Variants in TRMT11 observed in about 807,000 individuals in gnomAD.
TRMT11 encodes the protein tRNA methyltransferase 11, also known as tRNA (guanine(10)-N(2))-methyltransferase TRMT11.
Under a neutral mutation model 62.8 loss-of-function variants are expected in TRMT11, and 53 were observed. The observed-to-expected ratio is 0.84, with a 90% CI of 0.68 to 1.06. The LOEUF is 1.06. Ranked by LOEUF, TRMT11 falls within the 50% of genes least tolerant of loss-of-function variation. The pLI is 0.00. For synonymous variants in TRMT11, 188 were observed against 190.3 expected, an observed-to-expected ratio of 0.99 and a Z score of 0.10; for missense variants, 556 against 553.4, an observed-to-expected ratio of 1.00 and a Z score of -0.05.
chr6:126,223,995 C>G, the TRMT11 span, among the ~76,000 whole-genome samples: 1 of 152,128 alleles, frequency 6.6e-6, no homozygotes, highest in Non-Finnish European at 1.5e-5. Context: ...TCTGTCACAC[C>G]ATTTTGGTTC....
the TRMT11 span, among the ~76,000 whole-genome samples, chr6:126,247,475 A>ATCTG: frequency 2.7e-3 from 400 of 147,614 alleles, 3 homozygotes; most frequent in African/African-American, 6.6e-3. Context: ...CTATCTATCT[A>ATCTG]TCTATCTATC....
chr6:125,992,524 C>T (rs1360391261), intron 1 of TRMT11, among the ~76,000 whole-genome samples: 1 of 152,164 alleles, frequency 6.6e-6, no homozygotes, highest in Non-Finnish European at 1.5e-5. Context: ...GGACAGTTAT[C>T]AGGGTCCTCA....
chr6:126,249,780 GATAA>G, the TRMT11 span, among the ~76,000 whole-genome samples: 5 of 152,016 alleles, frequency 3.3e-5, no homozygotes, highest in Non-Finnish European at 7.4e-5. Context: ...AGTTTTAACT[GATAA>G]ATAAATGAAT....
chr6:126,153,123 A>T (rs1778077878), intron 21 of TRMT11, among the ~76,000 whole-genome samples: 2 of 152,204 alleles, frequency 1.3e-5, no homozygotes, highest in Admixed American at 1.3e-4. Flanking sequence ...GCGGTTGTTC[A>T]ATAATATTAT....
chr6:126,179,702 A>G (rs1360216876), intron 1 of TRMT11, among the ~76,000 whole-genome samples: 2 of 152,206 alleles, frequency 1.3e-5, no homozygotes, highest in African/African-American at 4.8e-5. Context: ...TTTCACATAT[A>G]GCGAAGAATA....
At chr6:126,086,868 T>C (rs866291636) in intron 17 of TRMT11, among the ~76,000 whole-genome samples, 3 of 152,182 alleles carry the variant, frequency 2.0e-5, no homozygotes, top group African/African-American at 2.4e-5. Context: ...GCTTTGACTA[T>C]AGTGGGGGCA....
At chr6:125,995,899 T>C in intron 2 of TRMT11, 68 bp from the exon 3 acceptor site, 1 of 932,100 alleles carries the variant, frequency 1.1e-6, no homozygotes, top group Non-Finnish European at 1.8e-6. Flanking sequence ...CTTATTGACT[T>C]CTTGAATAAA....
At chr6:126,240,108 G>A in the TRMT11 span, among the ~76,000 whole-genome samples, 3 of 152,142 alleles carry the variant, frequency 2.0e-5, no homozygotes, top group East Asian at 1.9e-4. Context: ...TTAGCCATTC[G>A]TCTAATCTTT....
intron 17 of TRMT11, among the ~76,000 whole-genome samples, chr6:126,070,424 T>A (rs1392548388): frequency 2.0e-5 from 3 of 152,218 alleles, no homozygotes; most frequent in Non-Finnish European, 4.4e-5. Flanking sequence ...TGAATAAAAA[T>A]GACTCTCAGA....
chr6:126,003,804 G>A (rs1792917316), intron 7 of TRMT11, among the ~76,000 whole-genome samples: 1 of 151,882 alleles, frequency 6.6e-6, no homozygotes, highest in Non-Finnish European at 1.5e-5. Context: ...TTTCTGTGAT[G>A]TATGCTGCAG....
chr6:125,987,969 C>T (rs377365980), intron 1 of TRMT11, among the ~76,000 whole-genome samples: 1 of 151,896 alleles, frequency 6.6e-6, no homozygotes, highest in Non-Finnish European at 1.5e-5. Context: ...AAACTAGGAG[C>T]GGGGAAGAAA....
intron 17 of TRMT11, among the ~76,000 whole-genome samples, chr6:126,054,716 G>T (rs1439489891): frequency 6.6e-6 from 1 of 152,146 alleles, no homozygotes; most frequent in Non-Finnish European, 1.5e-5. Context: ...TTTAAAATCT[G>T]GTGATATACA....
chr6:126,112,327 C>T (rs1325797776), intron 17 of TRMT11, among the ~76,000 whole-genome samples: 2 of 152,122 alleles, frequency 1.3e-5, no homozygotes, highest in Non-Finnish European at 2.9e-5. Flanking sequence ...GGTTCAGTCC[C>T]TGTAGATCTG....
chr6:126,082,958 A>G (rs1261201229), intron 17 of TRMT11, among the ~76,000 whole-genome samples: 2 of 152,284 alleles, frequency 1.3e-5, no homozygotes, highest in East Asian at 1.9e-4. Flanking sequence ...TGCAAACCAC[A>G]TATCTCATAA....
At chr6:126,026,951 T>C (rs894242980) in intron 12 of TRMT11, among the ~76,000 whole-genome samples, 11 of 151,206 alleles carry the variant, frequency 7.3e-5, no homozygotes, top group South Asian at 2.1e-4. Flanking sequence ...TACAGGCGCC[T>C]GCCACCCCGT....
intron 21 of TRMT11, among the ~76,000 whole-genome samples, chr6:126,147,539 TG>T (rs1777987542): frequency 6.6e-6 from 1 of 152,152 alleles, no homozygotes; most frequent in Non-Finnish European, 1.5e-5. Flanking sequence ...CACAATCTAG[TG>T]TTCATGATGG....
intron 21 of TRMT11, among the ~76,000 whole-genome samples, chr6:126,123,281 G>A (rs1414100972): frequency 2.0e-5 from 3 of 152,094 alleles, no homozygotes; most frequent in Non-Finnish European, 2.9e-5. Flanking sequence ...TGAAGCTCCT[G>A]TAGTAGAGTT....
chr6:126,138,313 A>G lies in TRMT11; in HGVS notation c.*1823+22458A>G, dbSNP rs560953434. 3.3e-5 allele frequency among the ~76,000 whole-genome samples: 5 copies of G among 152,070 alleles called. No homozygotes were observed. The South Asian group carries it at 8.3e-4, about 25-fold the overall frequency. ...TCTGGTAATATAAATAAAAATCTTTAAAATCTTAACAGTCTGAATACTAGA... is the reference window on the plus strand; with the variant it reads ...TCTGGTAATATAAATAAAAATCTTTGAAATCTTAACAGTCTGAATACTAGA... On this transcript the variant is annotated intron_variant and NMD_transcript_variant, in intron 21 of 22. Transcript: ENST00000648977.
rs182001520 is a variant in TRMT11, at chr6:126,184,907, C to T, written n.143+7572C>T. Among the ~76,000 whole-genome samples the T allele has an allele frequency of 4.4e-4, 67 of 152,290 alleles. No individual in the cohort carries two copies. In the East Asian group the frequency reaches 4.4e-3, roughly 10 times the overall value. ...CTTGTCCAAAAACACGAAACAGGGA[C>T]AGCAGCTTGTGTGGGATCAAGCAGA... On this transcript the variant is annotated intron_variant and non_coding_transcript_variant, in intron 1 of 3. Transcript: ENST00000444229.
Sources: gnomAD v4.1 joint callset for allele counts (sites outside exome capture counted in the v4.1 genomes callset) on GRCh38, gnomAD v4.1.1 for gene constraint, MANE v1.5 for transcripts, NCBI Gene and HGNC (gene_info 2026-07-23, HGNC 2026-07-21) for gene names.